The following ZFHX3 variants were observed in gnomAD, a reference collection of about 807,000 sequenced individuals.
ZFHX3 encodes zinc finger homeobox 3.
ZFHX3 carries 42 observed loss-of-function variants against 279.1 expected under a neutral mutation model. That is an observed-to-expected ratio of 0.15 (90% CI 0.12 to 0.19). The LOEUF (loss-of-function observed/expected upper bound fraction) is 0.19, where lower values mean the gene tolerates loss of function less well. ZFHX3 is among the 10% of genes least tolerant of loss of function. The pLI is 1.00. For missense variants in ZFHX3, 4,981 were observed against 4,754.0 expected (o/e 1.05, Z -1.40); for synonymous variants, 2,293 against 1,957.8 (o/e 1.17, Z -4.52).
intron 3 of ZFHX3, among the ~76,000 whole-genome samples, chr16:73,376,310 G>A (rs2016721773): frequency 6.6e-6 from 1 of 152,282 alleles, no homozygotes; most frequent in Admixed American, 6.5e-5. Context: ...AATTTAAGAA[G>A]GTCATTACCG....
At chr16:73,136,056 C>A (rs974713185) in intron 6 of ZFHX3, among the ~76,000 whole-genome samples, 1 of 152,084 alleles carries the variant, frequency 6.6e-6, no homozygotes, top group African/African-American at 2.4e-5. Context: ...CGGGGTTTAA[C>A]CATGTTGGTC....
At chr16:73,754,130 C>T (rs2053785432) in intron 1 of ZFHX3, among the ~76,000 whole-genome samples, 1 of 152,116 alleles carries the variant, frequency 6.6e-6, no homozygotes, top group Admixed American at 6.6e-5. Context: ...GCTAGGAACA[C>T]AGTAGGTTCT....
At chr16:73,102,013 A>C (rs1219822417) in intron 7 of ZFHX3, among the ~76,000 whole-genome samples, 1 of 149,874 alleles carries the variant, frequency 6.7e-6, no homozygotes, top group Non-Finnish European at 1.5e-5. Flanking sequence ...TCCTGGGTTC[A>C]AGCGATTCTT....
intron 4 of ZFHX3, among the ~76,000 whole-genome samples, chr16:73,298,782 G>A (rs888822476): frequency 2.0e-5 from 3 of 152,234 alleles, no homozygotes; most frequent in African/African-American, 7.2e-5. Flanking sequence ...TAACATTCCA[G>A]GAATACCTAC....
intron 6 of ZFHX3, 62 bp from the exon 7 acceptor site, chr16:72,811,839 A>G: frequency 6.2e-7 from 1 of 1,600,480 alleles, no homozygotes; most frequent in Non-Finnish European, 8.5e-7. Context: ...CCCACCCAAA[A>G]GTTTGTTCCC....
chr16:72,959,906 G>A lies in ZFHX3; in HGVS notation c.240C>T (p.Thr80=). ...PPSEPASKEV[T]CNECSASFAS... ...CAAAGGAGGCCGAACATTCGTTGCA[G>A]GTGACCTCCTTGCTGGCGGGCTCGG... Residue 80 remains threonine (T), a synonymous_variant, in exon 2 of 10, where the codon ACC becomes ACT. Transcript: ENST00000268489. 1 of 1,603,962 alleles carries A rather than the reference G, an allele frequency of 6.2e-7. No homozygotes were observed. The highest frequency in any genetic ancestry group is 2.2e-5 in the East Asian group (1 of 44,636).
intron 4 of ZFHX3, among the ~76,000 whole-genome samples, chr16:72,879,679 G>A (rs572857873): frequency 6.6e-6 from 1 of 152,324 alleles, no homozygotes; most frequent in South Asian, 2.1e-4. Flanking sequence ...GCCCGCCTCG[G>A]CCTCCCAAAG....
chr16:73,704,362 C>T (rs1157107046), intron 1 of ZFHX3, among the ~76,000 whole-genome samples: 1 of 152,146 alleles, frequency 6.6e-6, no homozygotes, highest in Non-Finnish European at 1.5e-5. Context: ...CAAGAAATTG[C>T]TCTTACAGAG....
In ZFHX3 at chr16:72,798,503, C is replaced by T. The variant is rs767830569; in HGVS notation, c.4179G>A (p.Val1393=). ...GGTACTTGTACACATGGCGATCTGA[C>T]ACCGGCAGCTGAGGCCTCTTGGCAT... is the stretch of plus-strand genomic sequence containing the variant. ...EVHAKRPQLP[V]SDRHVYKYRC... is the part of the protein sequence containing the mutation. The change falls in exon 9 of 10, where the codon GTG becomes GTA. Residue 1393 remains valine (V), a synonymous_variant. Coordinates refer to ENST00000268489, the MANE Select transcript of ZFHX3 (RefSeq NM_006885.4). 29 of 1,614,078 alleles carry T rather than the reference C, an allele frequency of 1.8e-5. No homozygotes were observed. The highest frequency in any genetic ancestry group is 8.3e-5 in the Admixed American group (5 of 60,012).
chr16:73,220,001 G>GCAA (rs1446145109), intron 5 of ZFHX3, among the ~76,000 whole-genome samples: 2 of 152,080 alleles, frequency 1.3e-5, no homozygotes, highest in Admixed American at 1.3e-4. Flanking sequence ...CAGGAGAATT[G>GCAA]CTTGAACCTG....
At chr16:72,906,702 G>A (rs2039182352) in intron 3 of ZFHX3, among the ~76,000 whole-genome samples, 1 of 152,178 alleles carries the variant, frequency 6.6e-6, no homozygotes, top group South Asian at 2.1e-4. Flanking sequence ...GGAGGCTGAT[G>A]CAGGAGAATC....
At chr16:73,251,350 G>A (rs929177466) in intron 5 of ZFHX3, among the ~76,000 whole-genome samples, 5 of 152,156 alleles carry the variant, frequency 3.3e-5, no homozygotes, top group Non-Finnish European at 5.9e-5. Flanking sequence ...AAACGATAAC[G>A]ATGATGATAA....
rs191232111 is a variant in ZFHX3, at chr16:73,057,067, C to A, written c.-24+1463G>T. On this transcript the variant is annotated intron_variant, in intron 1 of 8. Coordinates refer to the ZFHX3 transcript ENST00000397992. The stretch of plus-strand genomic sequence containing the variant: ...TTTTAAAAGTCACTAGAACTGGAGG[C>A]CAGAAAAAGGCAATCAGCATGCTCC... Among the ~76,000 whole-genome samples the A allele has an allele frequency of 9.9e-5, 15 of 152,172 alleles. No individual in the cohort carries two copies. The East Asian group carries it at 2.9e-3, about 29-fold the overall frequency.
Position 73,512,899 on chromosome 16 carries a change from A to C in ZFHX3, c.-1546-56641T>G, listed in dbSNP as rs576187378. 1.1e-4 allele frequency among the ~76,000 whole-genome samples: 16 copies of C among 152,354 alleles called. No homozygotes were observed. The South Asian group carries it at 3.1e-3, about 30-fold the overall frequency. On this transcript the variant is annotated intron_variant, in intron 2 of 17. Transcript: ENST00000641206. ...CCTTCACTAAGTCAATAAGGACCAC[A>C]CTAGTGAAGCAGGCAGGCACTAACA... is the stretch of plus-strand genomic sequence containing the variant.
At chr16:73,767,436 G>T (rs1340754727) in intron 1 of ZFHX3, among the ~76,000 whole-genome samples, 2 of 152,184 alleles carry the variant, frequency 1.3e-5, no homozygotes, top group African/African-American at 4.8e-5. Context: ...TTGTAAAGTA[G>T]AGAGTACTAC....
intron 1 of ZFHX3, among the ~76,000 whole-genome samples, chr16:73,806,574 G>T (rs1033743341): frequency 1.3e-5 from 2 of 152,032 alleles, no homozygotes; most frequent in Non-Finnish European, 2.9e-5. Flanking sequence ...ATGGGGATTA[G>T]TTGTCAGCCA....
chr16:73,653,652 A>G (rs2052693345), intron 2 of ZFHX3, among the ~76,000 whole-genome samples: 1 of 152,194 alleles, frequency 6.6e-6, no homozygotes, highest in African/African-American at 2.4e-5. Context: ...TCCCATTTCT[A>G]AATTGTGTAA....
At chr16:73,661,704 A>T (rs567401605) in intron 2 of ZFHX3, among the ~76,000 whole-genome samples, 1 of 151,022 alleles carries the variant, frequency 6.6e-6, no homozygotes, top group African/African-American at 2.4e-5. Context: ...CCTGGACAAC[A>T]AAGCAAGACT....
intron 3 of ZFHX3, among the ~76,000 whole-genome samples, chr16:72,897,102 G>A (rs1423436502): frequency 6.6e-6 from 1 of 152,208 alleles, no homozygotes; most frequent in East Asian, 1.9e-4. Context: ...AAACCCCTGA[G>A]ACACCTGTCA....
Sources: gnomAD v4.1 joint callset for allele counts (sites outside exome capture counted in the v4.1 genomes callset) on GRCh38, gnomAD v4.1.1 for gene constraint, MANE v1.5 for transcripts, NCBI Gene and HGNC (gene_info 2026-07-23, HGNC 2026-07-21) for gene names.